FAM110B: variants seen among roughly 807,000 people sequenced by gnomAD.
The protein encoded by FAM110B is family with sequence similarity 110 member B.
A neutral mutation model predicts 20.4 loss-of-function variants in FAM110B; 6 were observed. That is an observed-to-expected ratio of 0.29 (90% confidence interval 0.16 to 0.58). The LOEUF (loss-of-function observed/expected upper bound fraction) is 0.58. Among genes scored for constraint, FAM110B ranks in the 20% least tolerant of loss-of-function variants. FAM110B has a pLI of 0.90. For synonymous variants in FAM110B, 226 were observed against 214.1 expected, an observed-to-expected ratio of 1.06 and a Z score of -0.49; for missense variants, 434 against 498.2, an observed-to-expected ratio of 0.87 and a Z score of 1.23.
intron 3 of FAM110B, among the ~76,000 whole-genome samples, chr8:58,140,921 C>CT (rs1563384145): frequency 6.6e-6 from 1 of 152,056 alleles, no homozygotes; most frequent in Admixed American, 6.6e-5. Flanking sequence ...CATTTTGAAT[C>CT]TTTTTTTTAA....
At chr8:58,007,245 T>C (rs974546955) in intron 1 of FAM110B, among the ~76,000 whole-genome samples, 1 of 152,122 alleles carries the variant, frequency 6.6e-6, no homozygotes, top group Non-Finnish European at 1.5e-5. Flanking sequence ...AGGTGCTCTG[T>C]CCTCATGAGC....
In FAM110B at chr8:57,994,738, C is replaced by T. The variant is rs984811518; in HGVS notation, c.-580C>T. 1 of 152,344 alleles carries T rather than the reference C, an allele frequency of 6.6e-6. No individual in the cohort carries two copies. The highest frequency in any genetic ancestry group is 2.1e-4 in the South Asian group (1 of 4,834). The allele number at this position is 152,344 out of a possible 1,614,324, so 9.4% of individuals were successfully genotyped here. On this transcript the variant is annotated 5_prime_UTR_variant, in exon 1 of 4. Coordinates refer to ENST00000519262, the MANE Select transcript of FAM110B (RefSeq NM_001377989.1). ...TCCCTCGCGGGCCCCGACTCTCCCT[C>T]CTTGCAGTCCCCCGGAGCCTGGCTC...
chr8:58,048,096 C>T (rs1050623702), intron 2 of FAM110B, among the ~76,000 whole-genome samples: 9 of 152,114 alleles, frequency 5.9e-5, no homozygotes, highest in Non-Finnish European at 1.0e-4. Flanking sequence ...GGTGCTTAAG[C>T]GTAGTTCATT....
chr8:58,094,549 G>A (rs1360941588), intron 3 of FAM110B, among the ~76,000 whole-genome samples: 1 of 152,172 alleles, frequency 6.6e-6, no homozygotes, highest in African/African-American at 2.4e-5. Flanking sequence ...GATGGATTAT[G>A]TTTGTTGATT....
At chr8:57,996,467 T>G (rs1485498461) in intron 1 of FAM110B, among the ~76,000 whole-genome samples, 1 of 152,242 alleles carries the variant, frequency 6.6e-6, no homozygotes, top group East Asian at 1.9e-4. Context: ...GAGGTTGGGT[T>G]GTTATTATGC....
chr8:58,010,183 GTTTTTTT>G (rs34438201), intron 1 of FAM110B, among the ~76,000 whole-genome samples: 1 of 140,734 alleles, frequency 7.1e-6, no homozygotes, highest in Admixed American at 7.2e-5. Context: ...CGCCCTGCTA[GTTTTTTT>G]TTTTTTTTTT....
intron 2 of FAM110B, among the ~76,000 whole-genome samples, chr8:58,039,822 T>C (rs1354816861): frequency 6.6e-6 from 1 of 152,170 alleles, no homozygotes; most frequent in Non-Finnish European, 1.5e-5. Context: ...AGTGATGTGA[T>C]CATAGCTCAC....
At chr8:58,092,157 T>G (rs1236920988) in intron 3 of FAM110B, among the ~76,000 whole-genome samples, 2 of 152,190 alleles carry the variant, frequency 1.3e-5, no homozygotes, top group Non-Finnish European at 2.9e-5. Context: ...TGGAGGAAAA[T>G]AATTTTATTT....
intron 3 of FAM110B, among the ~76,000 whole-genome samples, chr8:58,131,699 A>G (rs1191367789): frequency 1.3e-5 from 2 of 152,212 alleles, no homozygotes; most frequent in Non-Finnish European, 2.9e-5. Context: ...TCCATTGATT[A>G]ATTGATTGAT....
intron 2 of FAM110B, among the ~76,000 whole-genome samples, chr8:58,065,033 C>T (rs913013812): frequency 6.6e-6 from 1 of 152,188 alleles, no homozygotes; most frequent in Admixed American, 6.5e-5. Flanking sequence ...ATGTTCTTTA[C>T]TTACATACTT....
At chr8:57,999,421 T>C (rs1320140120) in intron 1 of FAM110B, among the ~76,000 whole-genome samples, 1 of 152,242 alleles carries the variant, frequency 6.6e-6, no homozygotes, top group African/African-American at 2.4e-5. Flanking sequence ...AAAACATTTT[T>C]TTCCTCACAG....
chr8:58,064,921 A>C (rs1180821221), intron 2 of FAM110B, among the ~76,000 whole-genome samples: 1 of 152,124 alleles, frequency 6.6e-6, no homozygotes, highest in African/African-American at 2.4e-5. Context: ...TTAAGATATA[A>C]CCCTCGAAGT....
intron 3 of FAM110B, among the ~76,000 whole-genome samples, chr8:58,096,060 A>C (rs2150606854): frequency 6.6e-6 from 1 of 151,816 alleles, no homozygotes; most frequent in African/African-American, 2.4e-5. Context: ...TAGGATTGCA[A>C]CCCCTGCTTT....
Position 58,147,237 on chromosome 8 carries a change from A to G in FAM110B, c.1007A>G (p.Asp336Gly). ...SDLRNDDSAN[D>G]RVPYGISAIE... ...CTTAGAAATGATGACAGTGCCAATG[A>G]CCGCGTGCCGTATGGCATTTCTGCC... The change falls in exon 4 of 4, where the codon GAC becomes GGC. Residue 336 changes from aspartate (D) to glycine (G), a missense_variant. Physicochemically the swap from Asp to Gly is moderately conservative, Grantham distance 94 (BLOSUM62 -1). This residue lies in a region of FAM110B where 94 missense variants were observed against 137.8 expected (regional missense o/e 0.68). Transcript: ENST00000519262. The G allele has an allele frequency of 6.2e-7, 1 of 1,614,110 alleles. No homozygotes were observed. The highest frequency in any genetic ancestry group is 8.5e-7 in the Non-Finnish European group (1 of 1,180,004).
chr8:58,117,245 G>A (rs1040511001), intron 3 of FAM110B, among the ~76,000 whole-genome samples: 3 of 152,166 alleles, frequency 2.0e-5, no homozygotes, highest in Non-Finnish European at 2.9e-5. Flanking sequence ...GATGTGATTC[G>A]ATGTGGTGCT....
chr8:58,044,868 CAG>C (rs988507187), intron 2 of FAM110B, among the ~76,000 whole-genome samples: 1 of 152,126 alleles, frequency 6.6e-6, no homozygotes, highest in Non-Finnish European at 1.5e-5. Context: ...TGAAGTGAAA[CAG>C]AGCCCTCAAA....
At chr8:58,104,902 C>G (rs905343162) in intron 3 of FAM110B, among the ~76,000 whole-genome samples, 6 of 151,116 alleles carry the variant, frequency 4.0e-5, no homozygotes, top group Non-Finnish European at 5.9e-5. Flanking sequence ...TTTGCATCAG[C>G]CACATCGTAT....
chr8:58,078,717 A>T (rs989776132), intron 3 of FAM110B, among the ~76,000 whole-genome samples: 2 of 150,732 alleles, frequency 1.3e-5, no homozygotes, highest in African/African-American at 2.4e-5. Context: ...CGCCCGGCTA[A>T]TTTTTTGTAT....
chr8:58,147,399 T>TTG lies in FAM110B; in HGVS notation c.*59_*60dup, dbSNP rs1482948698. The TTG allele has an allele frequency of 6.4e-7, 1 of 1,557,152 alleles. No individual in the cohort carries two copies. The highest frequency in any genetic ancestry group is 8.7e-7 in the Non-Finnish European group (1 of 1,149,748). On this transcript the variant is annotated 3_prime_UTR_variant, in exon 4 of 4. Coordinates refer to ENST00000519262, the MANE Select transcript of FAM110B (RefSeq NM_001377989.1). ...CTCTGTGCTTACGCAGTTGTGAAGG[T>TTG]TGTGAGGTCTCCTTGAAGTGTTGTG...
Sources: gnomAD v4.1 joint callset for allele counts (sites outside exome capture counted in the v4.1 genomes callset) on GRCh38, gnomAD v4.1.1 for gene constraint, gnomAD v4.1.1 regional missense constraint, MANE v1.5 for transcripts, NCBI Gene and HGNC (gene_info 2026-07-23, HGNC 2026-07-21) for gene names.